PCDHA8: variants seen among roughly 807,000 people sequenced by gnomAD.
PCDHA8 encodes the protein protocadherin alpha 8, also known as protocadherin alpha-8.
A neutral mutation model predicts 61.8 loss-of-function variants in PCDHA8; 53 were observed. The ratio of observed to expected loss-of-function variants is 0.86; its 90% CI spans 0.69 to 1.08. PCDHA8 has a LOEUF of 1.08. PCDHA8 is among the 50% of genes least tolerant of loss of function. PCDHA8 has a pLI of 0.00. For missense variants in PCDHA8, 1,293 were observed against 1,245.0 expected (o/e 1.04, Z -0.58); for synonymous variants, 618 against 556.6 (o/e 1.11, Z -1.55).
At chr5:140,917,657 G>A (rs1382905790) in intron 1 of PCDHA8, among the ~76,000 whole-genome samples, 2 of 152,156 alleles carry the variant, frequency 1.3e-5, no homozygotes, top group Admixed American at 1.3e-4. Context: ...TATTGAGTAG[G>A]AAGTCCTTTC....
At chr5:140,857,576 C>T in intron 1 of PCDHA8, 1 of 1,596,780 alleles carries the variant, frequency 6.3e-7, no homozygotes, top group African/African-American at 1.3e-5. Flanking sequence ...CGTGTCGGTG[C>T]ACGCGGAGAG....
At chr5:140,925,142 C>G (rs2082353538) in intron 1 of PCDHA8, among the ~76,000 whole-genome samples, 1 of 151,570 alleles carries the variant, frequency 6.6e-6, no homozygotes, top group African/African-American at 2.4e-5. Context: ...TTCAAACATA[C>G]ACAAAAGTTG....
intron 1 of PCDHA8, chr5:140,861,826 A>T (rs1350185354): frequency 1.9e-5 from 3 of 159,376 alleles, no homozygotes; most frequent in African/African-American, 7.2e-5. Flanking sequence ...CAGATAGGTA[A>T]GTCACTTCAG....
At chr5:140,965,039 C>G (rs1237802301) in intron 1 of PCDHA8, among the ~76,000 whole-genome samples, 6 of 152,236 alleles carry the variant, frequency 3.9e-5, no homozygotes, top group African/African-American at 1.2e-4. Context: ...ACTGTCCGCT[C>G]TAGGAGGGAA....
chr5:140,897,964 T>A (rs1554187709), intron 1 of PCDHA8, among the ~76,000 whole-genome samples: 1 of 152,236 alleles, frequency 6.6e-6, no homozygotes, highest in South Asian at 2.1e-4. Flanking sequence ...TTTTCATGTG[T>A]CTTTTGGCTG....
intron 1 of PCDHA8, chr5:140,870,788 C>A (rs782319322): frequency 3.7e-6 from 6 of 1,613,636 alleles, no homozygotes; most frequent in Non-Finnish European, 5.1e-6. Context: ...GACAACGCGC[C>A]GGCACTGCTG....
At chr5:140,865,420 C>T (rs998161335) in intron 1 of PCDHA8, 2 of 152,258 alleles carry the variant, frequency 1.3e-5, no homozygotes, top group South Asian at 2.1e-4. Context: ...TTAGTAGTGT[C>T]TACCTAGAAA....
chr5:140,961,236 T>G (rs246004), intron 1 of PCDHA8, among the ~76,000 whole-genome samples: 1 of 151,942 alleles, frequency 6.6e-6, no homozygotes, highest in African/African-American at 2.4e-5. Context: ...AAAAAGGTGA[T>G]GGAATTTATC....
chr5:140,934,490 C>T (rs189772593), intron 1 of PCDHA8, among the ~76,000 whole-genome samples: 35 of 152,244 alleles, frequency 2.3e-4, no homozygotes, highest in Admixed American at 1.4e-3. Context: ...ATATTCACCT[C>T]ATAAACACCC....
At chr5:140,915,626 G>GTCTC (rs57920489) in intron 1 of PCDHA8, among the ~76,000 whole-genome samples, 42,931 of 146,342 alleles carry the variant, frequency 0.29, 6,396 homozygotes, top group East Asian at 0.48. Context: ...GTCTCTTTCT[G>GTCTC]TCTCTCTCTC....
Position 140,871,058 on chromosome 5 carries a change from A to C in PCDHA8, c.2394+27343A>C, listed in dbSNP as rs1179361194. Reference sequence around the variant, plus strand: ...CACCGACTTCTAGTACTGGTGAAGGATCACGGTGAGCCGGCGCTGACGGCC... The same window carrying C: ...CACCGACTTCTAGTACTGGTGAAGGCTCACGGTGAGCCGGCGCTGACGGCC... On this transcript the variant is annotated intron_variant, in intron 1 of 3. Transcript: ENST00000531613. 8 of 1,613,140 alleles carry C rather than the reference A, an allele frequency of 5.0e-6. No homozygotes were observed. The African/African-American group carries it at 6.7e-5, about 13-fold the overall frequency.
intron 1 of PCDHA8, chr5:140,884,420 T>A: frequency 1.2e-6 from 2 of 1,613,972 alleles, no homozygotes; most frequent in Non-Finnish European, 8.5e-7. Context: ...GTTGCTGCTG[T>A]ATACTGCGCT....
At chr5:140,929,555 C>A in intron 1 of PCDHA8, 1 of 485,752 alleles carries the variant, frequency 2.1e-6, no homozygotes, top group Non-Finnish European at 3.5e-6. Context: ...AAATTAAAAC[C>A]TATTTAAGAA....
chr5:140,954,225 A>G (rs1554221300), intron 1 of PCDHA8, among the ~76,000 whole-genome samples: 1 of 152,242 alleles, frequency 6.6e-6, no homozygotes, highest in Admixed American at 6.5e-5. Context: ...TGCTATTGTG[A>G]ATAGTGCTGC....
At chr5:140,850,677 A>G (rs2150493410) in intron 1 of PCDHA8, 1 of 1,598,454 alleles carries the variant, frequency 6.3e-7, no homozygotes. Flanking sequence ...GGCGATGCCC[A>G]CCGAGGGCGA....
chr5:140,976,685 T>TTGC (rs1279936534), intron 1 of PCDHA8, among the ~76,000 whole-genome samples: 2 of 152,238 alleles, frequency 1.3e-5, no homozygotes, highest in East Asian at 3.8e-4. Flanking sequence ...TTTTGCAATT[T>TTGC]AAGTACAATA....
At chr5:140,968,644 G>C (rs1554230935) in intron 1 of PCDHA8, 3 of 1,614,046 alleles carry the variant, frequency 1.9e-6, no homozygotes, top group African/African-American at 2.7e-5. Context: ...ATCTAGCCCA[G>C]ACTTCTGACC....
In PCDHA8 at chr5:140,858,149, G is replaced by A. The variant is rs782725386; in HGVS notation, c.2394+14434G>A. The A allele has an allele frequency of 1.5e-5, 24 of 1,597,456 alleles. 4 individuals carry two copies. The highest frequency in any genetic ancestry group is 1.3e-4 in the African/African-American group (10 of 74,378). ...GGATGTCAACGTGTACCTGATCATC[G>A]CCATCTGCGCGGTGTCCAGCTTGCT... On this transcript the variant is annotated intron_variant, in intron 1 of 3. Transcript: ENST00000531613.
intron 3 of PCDHA8, among the ~76,000 whole-genome samples, chr5:141,004,550 G>A (rs1554259606): frequency 6.6e-6 from 1 of 152,222 alleles, no homozygotes; most frequent in African/African-American, 2.4e-5. Flanking sequence ...TCCTTTAACT[G>A]TGCAAGATGA....
Sources: gnomAD v4.1 joint callset for allele counts (sites outside exome capture counted in the v4.1 genomes callset) on GRCh38, gnomAD v4.1.1 for gene constraint, MANE v1.5 for transcripts, NCBI Gene and HGNC (gene_info 2026-07-23, HGNC 2026-07-21) for gene names.